Variants in IL1RL2 observed in about 807,000 individuals in gnomAD.
IL1RL2 encodes interleukin-1 receptor-like 2.
In IL1RL2, 68 loss-of-function variants were observed where a neutral mutation model predicts 66.8. That is an observed-to-expected ratio of 1.02 (90% CI 0.84 to 1.25). The LOEUF (loss-of-function observed/expected upper bound fraction) is 1.25. Ranked by LOEUF, IL1RL2 falls within the 50% of genes most tolerant of loss-of-function variation. The probability of loss-of-function intolerance (pLI) is 0.00; values close to 1 mark genes in which losing one functional copy is unlikely to be tolerated. For synonymous variants in IL1RL2, 305 were observed against 264.6 expected (o/e 1.15, Z -1.48); for missense variants, 729 against 709.3 (o/e 1.03, Z -0.32).
chr2:102,195,559 C>CTTTCTTTCTTTCTT (rs1481634028), intron 4 of IL1RL2, among the ~76,000 whole-genome samples: 3 of 43,684 alleles, frequency 6.9e-5, no homozygotes, highest in African/African-American at 1.4e-4. Flanking sequence ...TTCTTTCTTT[C>CTTTCTTTCTTTCTT]TCTTTCTTTC....
intron 11 of IL1RL2, among the ~76,000 whole-genome samples, chr2:102,238,637 TAAAGTGG>T (rs1675077478): frequency 6.6e-6 from 1 of 152,188 alleles, no homozygotes; most frequent in Admixed American, 6.5e-5. Context: ...TGGGGCTGTG[TAAAGTGG>T]AAAATTCCTT....
chr2:102,220,188 G>A (rs1465708506), intron 8 of IL1RL2, among the ~76,000 whole-genome samples, 171 bp downstream of exon 8: 1 of 152,174 alleles, frequency 6.6e-6, no homozygotes, highest in Non-Finnish European at 1.5e-5. Context: ...TCATAATGTT[G>A]TTGGAGTGAG....
At chr2:102,207,542 G>A (rs141495805) in intron 5 of IL1RL2, among the ~76,000 whole-genome samples, 1,862 of 152,156 alleles carry the variant, frequency 0.012, 33 homozygotes, top group East Asian at 0.077. Context: ...TATCTGGGAG[G>A]CCTGGAACAG....
chr2:102,190,765 A>T (rs1281925674), intron 3 of IL1RL2, among the ~76,000 whole-genome samples: 2 of 152,252 alleles, frequency 1.3e-5, no homozygotes, highest in Non-Finnish European at 2.9e-5. Context: ...CTAGACTTGA[A>T]GATCATACAT....
chr2:102,239,232 G>A lies in IL1RL2; in HGVS notation c.1719G>A (p.Thr573=), dbSNP rs145527439. ...CAAGAAGAAAGAAGTGTACTCTCACGACTGGCTAAGACTTGCTGGACTGAC... is the reference window on the plus strand; with the variant it reads ...CAAGAAGAAAGAAGTGTACTCTCACAACTGGCTAAGACTTGCTGGACTGAC... The part of the protein sequence containing the change: ...LGSRRKKCTL[T]TG The change falls in exon 12 of 12, where the codon ACG becomes ACA. Residue 573 remains threonine (T), a synonymous_variant. Transcript: ENST00000264257. 3.8e-4 allele frequency: 613 copies of A among 1,613,862 alleles called. No individual in the cohort carries two copies. The highest frequency in any genetic ancestry group is 1.0e-3 in the African/African-American group (76 of 75,034).
At chr2:102,235,741 AG>A (rs1345656863) in intron 11 of IL1RL2, 6 of 985,312 alleles carry the variant, frequency 6.1e-6, no homozygotes, top group Non-Finnish European at 6.0e-6. Context: ...ACGCCTGTCC[AG>A]TGTCTTCAGG....
intron 11 of IL1RL2, among the ~76,000 whole-genome samples, chr2:102,236,354 A>C (rs960045235): frequency 6.6e-6 from 1 of 152,106 alleles, no homozygotes; most frequent in East Asian, 1.9e-4. Context: ...TTAGGATGGC[A>C]TGGGGAGCAG....
At chr2:102,196,528 A>G (rs990306043) in intron 4 of IL1RL2, among the ~76,000 whole-genome samples, 1 of 152,232 alleles carries the variant, frequency 6.6e-6, no homozygotes, top group African/African-American at 2.4e-5. Context: ...AAGGGATGTC[A>G]TATGTCTTCA....
intron 4 of IL1RL2, among the ~76,000 whole-genome samples, chr2:102,197,915 G>A (rs867770): frequency 0.27 from 40,532 of 152,082 alleles, 6,359 homozygotes; most frequent in East Asian, 0.38. Flanking sequence ...TAGAGGTAGC[G>A]GCTCTCAGGG....
intron 9 of IL1RL2, among the ~76,000 whole-genome samples, chr2:102,232,019 G>A (rs1691181403): frequency 6.6e-6 from 1 of 152,032 alleles, no homozygotes; most frequent in Admixed American, 6.6e-5. Context: ...TTATTTTAGA[G>A]ATCCTTTTTT....
At chr2:102,210,857 C>T (rs1689111005) in intron 5 of IL1RL2, among the ~76,000 whole-genome samples, 2 of 152,274 alleles carry the variant, frequency 1.3e-5, no homozygotes, top group South Asian at 4.1e-4. Flanking sequence ...GGACTGGAGA[C>T]ATGACCTTCA....
intron 9 of IL1RL2, among the ~76,000 whole-genome samples, chr2:102,230,587 C>T (rs1021349023): frequency 1.3e-5 from 2 of 152,344 alleles, no homozygotes; most frequent in African/African-American, 2.4e-5. Context: ...CCTCTGCGCC[C>T]GGTCCTGCTC....
At chr2:102,187,511 C>T (rs1173529482) in intron 1 of IL1RL2, among the ~76,000 whole-genome samples, 2 of 152,162 alleles carry the variant, frequency 1.3e-5, no homozygotes, top group East Asian at 3.9e-4. Context: ...CGCTGGGGGG[C>T]GCCCTGGCCC....
rs1285302531 is a variant in IL1RL2, at chr2:102,219,160, C to T, written c.854+78C>T. On this transcript the variant is annotated intron_variant, in intron 7 of 11. Transcript: ENST00000264257. ...CTAAGTGAATCTGGTATCACTACTG[C>T]CTTCTCCTCTTGTTTTTGCCTCTCA... 1.1e-5 allele frequency: 16 copies of T among 1,481,486 alleles called. No homozygotes were observed. The East Asian group carries it at 1.1e-4, about 10-fold the overall frequency. 91.8% of individuals were successfully genotyped at this position (1,481,486 alleles called of 1,614,324 possible).
Position 102,235,032 on chromosome 2 carries a change from AG to A in IL1RL2, c.1435del (p.Asp479ThrfsTer3). 1 of 1,614,196 alleles carries A rather than the reference AG, an allele frequency of 6.2e-7. No individual in the cohort carries two copies. Among genetic ancestry groups the A allele is most frequent in the East Asian group, 2.2e-5 (1 of 44,872 alleles). On this transcript the variant is annotated frameshift_variant, in exon 11 of 12. Transcript: ENST00000264257. LOFTEE classifies it high-confidence loss of function. The stretch of plus-strand genomic sequence containing the variant: ...ATCGCGGTCTACAGTGCCCTGATCC[AG>A]GACGGGATGAAGGTTATTCTCATTG... ...EQIAVYSALI[Q>X]DGMKVILIEL...
At chr2:102,206,716 C>T (rs2080311) in intron 5 of IL1RL2, among the ~76,000 whole-genome samples, 23,845 of 152,160 alleles carry the variant, frequency 0.16, 2,327 homozygotes, top group Admixed American at 0.29. Context: ...CCAAGGCCTG[C>T]TTTACCCACT....
At chr2:102,194,210 T>A (rs1038312454) in intron 4 of IL1RL2, among the ~76,000 whole-genome samples, 1 of 152,230 alleles carries the variant, frequency 6.6e-6, no homozygotes, top group South Asian at 2.1e-4. Context: ...TTGAATTTTA[T>A]TTAATTTGAA....
At chr2:102,235,924 T>C (rs1674837194) in intron 11 of IL1RL2, 2 of 985,450 alleles carry the variant, frequency 2.0e-6, no homozygotes, top group South Asian at 9.4e-5. Flanking sequence ...CACCCTTCCA[T>C]GTTTGAGAGG....
intron 10 of IL1RL2, among the ~76,000 whole-genome samples, chr2:102,233,747 G>A (rs1275642441): frequency 6.6e-6 from 1 of 152,040 alleles, no homozygotes; most frequent in African/African-American, 2.4e-5. Context: ...CCTGAGAAGG[G>A]GTCCCCGGCA....
Sources: allele counts gnomAD v4.1 joint callset (sites outside exome capture counted in the v4.1 genomes callset), GRCh38; gene constraint gnomAD v4.1.1; transcripts MANE v1.5; gene names NCBI Gene and HGNC (gene_info 2026-07-23, HGNC 2026-07-21).